SLC5A11: variants seen among roughly 807,000 people sequenced by gnomAD.
The protein encoded by SLC5A11 is solute carrier family 5 member 11, also known as sodium/myo-inositol cotransporter 2.
In SLC5A11, 48 loss-of-function variants were observed where a neutral mutation model predicts 69.8. That is an observed-to-expected ratio of 0.69 (90% CI 0.55 to 0.87). The LOEUF is 0.87. Ranked by LOEUF, SLC5A11 falls within the 40% of genes least tolerant of loss-of-function variation. The pLI, the probability that SLC5A11 is intolerant of heterozygous loss-of-function variation, is 0.00. For missense variants in SLC5A11, 784 were observed against 866.1 expected, an observed-to-expected ratio of 0.91 and a Z score of 1.19; for synonymous variants, 319 against 342.4, an observed-to-expected ratio of 0.93 and a Z score of 0.75.
intron 1 of SLC5A11, among the ~76,000 whole-genome samples, chr16:24,856,631 C>T (rs796183728): frequency 7.0e-6 from 1 of 143,148 alleles, no homozygotes; most frequent in Non-Finnish European, 1.5e-5. Flanking sequence ...ATTAGCTGAG[C>T]GTGGTGGTGG....
At chr16:24,864,379 C>T (rs982286451) in intron 3 of SLC5A11, among the ~76,000 whole-genome samples, 2 of 152,116 alleles carry the variant, frequency 1.3e-5, no homozygotes, top group Non-Finnish European at 1.5e-5. Flanking sequence ...ATAAACTGAG[C>T]ATAGATTTTG....
chr16:24,899,759 A>G (rs2049446914), intron 10 of SLC5A11, among the ~76,000 whole-genome samples: 2 of 151,938 alleles, frequency 1.3e-5, no homozygotes, highest in African/African-American at 4.8e-5. Flanking sequence ...GCTGGAGTGC[A>G]GTGGCATGAT....
chr16:24,858,783 G>A lies in SLC5A11; in HGVS notation c.135+5G>A. The A allele has an allele frequency of 6.2e-7, 1 of 1,608,718 alleles. No homozygotes were observed. Among genetic ancestry groups the A allele is most frequent in the Non-Finnish European group, 8.5e-7 (1 of 1,177,516 alleles). On this transcript the variant is annotated splice_donor_5th_base_variant and intron_variant, in intron 2 of 15. Coordinates refer to ENST00000347898, the Ensembl canonical transcript of SLC5A11. Reference sequence around the variant, plus strand: ...GTCCTGGCTGTTGGACTATGGGTAAGCCAGGCCACTGGGGGATGGGGGATG... The same window carrying A: ...GTCCTGGCTGTTGGACTATGGGTAAACCAGGCCACTGGGGGATGGGGGATG...
chr16:24,873,517 T>C (rs1245090516), intron 5 of SLC5A11, among the ~76,000 whole-genome samples: 2 of 151,814 alleles, frequency 1.3e-5, no homozygotes, highest in Non-Finnish European at 2.9e-5. Context: ...TGTGCACCTT[T>C]AGTCCCAGCT....
At chr16:24,897,986 C>T (rs371082919) in exon 10 of SLC5A11, 42 of 1,614,010 alleles carry the variant, frequency 2.6e-5, no homozygotes, top group African/African-American at 5.3e-5. Flanking sequence ...GATTGTCCAG[C>T]GGACTCTGGC....
intron 9 of SLC5A11, among the ~76,000 whole-genome samples, chr16:24,893,554 T>C (rs1039047222): frequency 2.6e-5 from 4 of 151,784 alleles, no homozygotes; most frequent in African/African-American, 9.7e-5. Context: ...ACTTCTTTTT[T>C]ATTATTTTTA....
intron 3 of SLC5A11, among the ~76,000 whole-genome samples, chr16:24,866,102 A>T (rs2152282516): frequency 6.7e-6 from 1 of 149,730 alleles, no homozygotes; most frequent in South Asian, 2.2e-4. Context: ...AATATCTAGC[A>T]CAAAAGGCAA....
At chr16:24,886,325 G>A (rs1473701867) in intron 8 of SLC5A11, among the ~76,000 whole-genome samples, 6 of 152,008 alleles carry the variant, frequency 3.9e-5, no homozygotes, top group Non-Finnish European at 7.4e-5. Flanking sequence ...GAGCCACCAC[G>A]CCCGGCTGAA....
intron 9 of SLC5A11, among the ~76,000 whole-genome samples, chr16:24,892,396 G>GA (rs1226508876): frequency 1.4e-5 from 2 of 147,870 alleles, no homozygotes; most frequent in African/African-American, 5.0e-5. Flanking sequence ...AAAAAGAAAG[G>GA]AAAAAAATCA....
chr16:24,853,403 C>T (rs2059396888), intron 1 of SLC5A11, among the ~76,000 whole-genome samples: 2 of 152,212 alleles, frequency 1.3e-5, no homozygotes, highest in African/African-American at 4.8e-5. Context: ...GAGCTTGGCA[C>T]ACCGCTGGTG....
chr16:24,889,094 GC>G (rs1305192800), intron 8 of SLC5A11, among the ~76,000 whole-genome samples: 1 of 152,044 alleles, frequency 6.6e-6, no homozygotes, highest in African/African-American at 2.4e-5. Context: ...ACCTGGCCCG[GC>G]CCAATATCTA....
chr16:24,870,124 G>A (rs1273035946), intron 4 of SLC5A11, 119 bp downstream of exon 5: 1 of 680,410 alleles, frequency 1.5e-6, no homozygotes. Flanking sequence ...CAGGCGCGGT[G>A]GCTCACGCCT....
chr16:24,906,687 G>C (rs748111056), exon 11 of SLC5A11: 1 of 1,612,960 alleles, frequency 6.2e-7, no homozygotes, highest in African/African-American at 1.3e-5. Flanking sequence ...CCAGAGATCT[G>C]CCAGAAGATC....
intron 1 of SLC5A11, among the ~76,000 whole-genome samples, chr16:24,853,915 G>A (rs951880709): frequency 2.6e-5 from 4 of 152,186 alleles, no homozygotes; most frequent in Non-Finnish European, 4.4e-5. Context: ...TCCTGTGGCC[G>A]AGGCTCCACA....
chr16:24,892,048 C>G (rs1296709601), intron 9 of SLC5A11, among the ~76,000 whole-genome samples: 1 of 86,696 alleles, frequency 1.2e-5, no homozygotes, highest in Non-Finnish European at 2.3e-5. Context: ...GAGACCATCT[C>G]TAAAAAAAAA....
chr16:24,888,143 C>T (rs1214873657), intron 8 of SLC5A11, among the ~76,000 whole-genome samples: 1 of 151,960 alleles, frequency 6.6e-6, no homozygotes, highest in Non-Finnish European at 1.5e-5. Flanking sequence ...AAATTTTTTA[C>T]AAAAATATGT....
intron 10 of SLC5A11, among the ~76,000 whole-genome samples, chr16:24,904,486 T>G (rs545779970): frequency 6.6e-6 from 1 of 152,210 alleles, no homozygotes; most frequent in African/African-American, 2.4e-5. Context: ...TTGATTTGCA[T>G]TTCCTTGATG....
chr16:24,860,894 A>T (rs1298125192), intron 2 of SLC5A11, among the ~76,000 whole-genome samples: 1 of 151,924 alleles, frequency 6.6e-6, no homozygotes, highest in African/African-American at 2.4e-5. Context: ...TTTTTAGTAG[A>T]GATGGGGTTT....
chr16:24,863,317 G>T (rs1018851445), intron 3 of SLC5A11, among the ~76,000 whole-genome samples: 1 of 151,902 alleles, frequency 6.6e-6, no homozygotes, highest in Non-Finnish European at 1.5e-5. Context: ...GCTTTGGCAG[G>T]GGTCACTGGA....
Sources: allele counts gnomAD v4.1 joint callset (sites outside exome capture counted in the v4.1 genomes callset), GRCh38; gene constraint gnomAD v4.1.1; transcripts MANE v1.5; gene names NCBI Gene and HGNC (gene_info 2026-07-23, HGNC 2026-07-21).